CREBBP: variants seen among roughly 807,000 people sequenced by gnomAD.
The protein encoded by CREBBP is CREB-binding protein.
Under a neutral mutation model 265.0 loss-of-function variants are expected in CREBBP, and 19 were observed. The observed-to-expected ratio is 0.07, with a 90% CI of 0.05 to 0.11. CREBBP has a LOEUF of 0.11. Among genes scored for constraint, CREBBP ranks in the 10% least tolerant of loss-of-function variants. CREBBP has a pLI of 1.00. For synonymous variants in CREBBP, 1,457 were observed against 1,223.7 expected (o/e 1.19, Z -3.98); for missense variants, 2,525 against 3,219.0 (o/e 0.78, Z 5.22).
intron 2 of CREBBP, among the ~76,000 whole-genome samples, chr16:3,838,737 T>G (rs57017056): frequency 0.035 from 5,298 of 152,296 alleles, 296 homozygotes; most frequent in East Asian, 0.24. Context: ...AAAGTTGATA[T>G]AGGATTTTGA....
At chr16:3,756,708 T>G (rs555657794) in intron 19 of CREBBP, among the ~76,000 whole-genome samples, 4 of 152,208 alleles carry the variant, frequency 2.6e-5, no homozygotes, top group Non-Finnish European at 5.9e-5. Flanking sequence ...GCAGCACTCA[T>G]GCAAGTCTTT....
chr16:3,774,213 A>G (rs1258631441), intron 12 of CREBBP, among the ~76,000 whole-genome samples: 2 of 152,216 alleles, frequency 1.3e-5, no homozygotes, highest in African/African-American at 2.4e-5. Context: ...AGACATGCCT[A>G]TGAGTTCTCT....
chr16:3,764,329 C>A (rs114287332), intron 16 of CREBBP, among the ~76,000 whole-genome samples: 2 of 151,972 alleles, frequency 1.3e-5, no homozygotes, highest in Non-Finnish European at 2.9e-5. Context: ...CAGGCTAGAA[C>A]GCACTGGCAC....
rs531078823 is a variant in CREBBP at position 3,850,241 on chromosome 16, C to T, written c.798+56G>A. 8.6e-5 allele frequency: 136 copies of T among 1,589,134 alleles called. No homozygotes were observed. The East Asian group carries it at 1.0e-3, about 12-fold the overall frequency. ...ACGTGGTCCCATTTTACGCATTACT[C>T]GGAGGGAAAGCCCGCGGTTAGGTAG... On this transcript the variant is annotated intron_variant, in intron 2 of 30. Coordinates refer to ENST00000262367, the MANE Select transcript of CREBBP (RefSeq NM_004380.3).
rs1438247837 is a variant in CREBBP, at chr16:3,768,006, T to C, written c.3061-97A>G. ...TCTTACAAGCCTAAAACAGGTTTGT[T>C]AAAACCTTCCTCTAGTCAGAGTTGC... On this transcript the variant is annotated intron_variant, in intron 15 of 30. Coordinates refer to ENST00000262367, the MANE Select transcript of CREBBP (RefSeq NM_004380.3). The C allele has an allele frequency of 2.6e-6, 3 of 1,136,494 alleles. No individual in the cohort carries two copies. The African/African-American group carries it at 4.6e-5, about 17-fold the overall frequency. 70.4% of individuals were successfully genotyped at this position (1,136,494 alleles called of 1,614,324 possible). A position where few individuals can be genotyped will look rare whatever the true frequency, so the allele number is the denominator to read the frequency against.
At position 3,783,018 on chromosome 16, in the gene CREBBP, C is replaced by A. The variant is rs552347747; in HGVS notation, c.1331-92G>T. 4.0e-6 allele frequency: 6 copies of A among 1,500,954 alleles called. No homozygotes were observed. The South Asian group carries it at 7.0e-5, about 17-fold the overall frequency. The allele number at this position is 1,500,954 out of a possible 1,614,324, so 93.0% of individuals were successfully genotyped here. A position where few individuals can be genotyped will look rare whatever the true frequency, so the allele number is the denominator to read the frequency against. On this transcript the variant is annotated intron_variant, in intron 5 of 30. Transcript: ENST00000262367. The stretch of plus-strand genomic sequence containing the variant: ...TTTAAAAACTATTGAGAAGCAAATA[C>A]ATTTCATCAAAATACTACACATGAA...
intron 2 of CREBBP, among the ~76,000 whole-genome samples, chr16:3,849,443 G>T (rs2054763815): frequency 5.0e-5 from 1 of 20,022 alleles, no homozygotes; most frequent in Non-Finnish European, 1.9e-4. Flanking sequence ...GTGTGTGTGT[G>T]TGTGTGTGTG....
At chr16:3,873,329 A>G (rs1434119502) in intron 1 of CREBBP, among the ~76,000 whole-genome samples, 1 of 152,206 alleles carries the variant, frequency 6.6e-6, no homozygotes, top group Non-Finnish European at 1.5e-5. Flanking sequence ...CATGGCCATC[A>G]CGTTCCTATT....
chr16:3,792,534 G>A (rs975209266), intron 4 of CREBBP, among the ~76,000 whole-genome samples: 1 of 152,200 alleles, frequency 6.6e-6, no homozygotes, highest in Non-Finnish European at 1.5e-5. Context: ...TTCTGAAAGG[G>A]ACTCTGGGCA....
At chr16:3,739,521 G>A (rs566128395) in intron 25 of CREBBP, 57 bp downstream of exon 25, 1 of 1,609,004 alleles carries the variant, frequency 6.2e-7, no homozygotes, top group African/African-American at 1.3e-5. Flanking sequence ...TAAGAGCCCT[G>A]GTCTATCCTA....
chr16:3,827,460 C>A (rs999887499), intron 2 of CREBBP, among the ~76,000 whole-genome samples: 1 of 152,008 alleles, frequency 6.6e-6, no homozygotes, highest in African/African-American at 2.4e-5. Context: ...GACGCAATCT[C>A]GGCTCACTGC....
At position 3,779,657 on chromosome 16, in the gene CREBBP, T is replaced by G. The variant is rs186708566; in HGVS notation, c.1824-840A>C. On this transcript the variant is annotated intron_variant, in intron 8 of 30. Coordinates refer to ENST00000262367, the MANE Select transcript of CREBBP (RefSeq NM_004380.3). ...TATCTACACATCAAACACATCAATA[T>G]TTTGCTATTAACAAGTATGTGCTGG... 2.0e-5 allele frequency among the ~76,000 whole-genome samples: 3 copies of G among 152,294 alleles called. 1 individual carries two copies. In the East Asian group the frequency reaches 5.8e-4, roughly 29 times the overall value.
intron 19 of CREBBP, among the ~76,000 whole-genome samples, chr16:3,756,079 T>C (rs1288183898): frequency 6.6e-6 from 1 of 152,140 alleles, no homozygotes; most frequent in East Asian, 1.9e-4. Flanking sequence ...CTCCAAAATT[T>C]TCAGGCCTGT....
chr16:3,797,037 A>G (rs1289904327), intron 3 of CREBBP, among the ~76,000 whole-genome samples: 1 of 152,168 alleles, frequency 6.6e-6, no homozygotes. Flanking sequence ...ATGAGCCATG[A>G]GAGTTAGATG....
chr16:3,808,538 G>A, intron 3 of CREBBP, among the ~76,000 whole-genome samples: 1 of 152,242 alleles, frequency 6.6e-6, no homozygotes, highest in South Asian at 2.1e-4. Flanking sequence ...GGAATGAGCA[G>A]CCTCTTTGCA....
At chr16:3,804,449 CAA>C (rs2053788768) in intron 3 of CREBBP, among the ~76,000 whole-genome samples, 1 of 152,130 alleles carries the variant, frequency 6.6e-6, no homozygotes, top group African/African-American at 2.4e-5. Flanking sequence ...AGGGCCATCT[CAA>C]AGGGTTGTGG....
chr16:3,879,689 C>T, intron 1 of CREBBP, 143 bp downstream of exon 1: 1 of 913,870 alleles, frequency 1.1e-6, no homozygotes, highest in South Asian at 1.4e-5. Context: ...CACCCTCCCG[C>T]GCGGGGCGAG....
At chr16:3,779,579 T>C (rs939801747) in intron 8 of CREBBP, among the ~76,000 whole-genome samples, 12 of 152,226 alleles carry the variant, frequency 7.9e-5, no homozygotes, top group African/African-American at 2.2e-4. Context: ...TTGCCTCGCA[T>C]GTCAATACAT....
At chr16:3,751,614 T>C (rs1567282457) in intron 20 of CREBBP, 112 bp downstream of exon 20, 5 of 1,090,838 alleles carry the variant, frequency 4.6e-6, no homozygotes, top group Non-Finnish European at 7.0e-6. Flanking sequence ...CAAAAAACAT[T>C]GCAAGGAAGT....
Sources: gnomAD v4.1 joint callset for allele counts (sites outside exome capture counted in the v4.1 genomes callset) on GRCh38, gnomAD v4.1.1 for gene constraint, MANE v1.5 for transcripts, NCBI Gene and HGNC (gene_info 2026-07-23, HGNC 2026-07-21) for gene names.